USH2A: variants seen among roughly 807,000 people sequenced by gnomAD.
The protein encoded by USH2A is Usher syndrome 2A (autosomal recessive, mild).
USH2A carries 443 observed loss-of-function variants against 538.9 expected under a neutral mutation model. The ratio of observed to expected loss-of-function variants is 0.82; its 90% CI spans 0.76 to 0.89. The LOEUF (loss-of-function observed/expected upper bound fraction) is 0.89. Ranked by LOEUF, USH2A falls within the 40% of genes least tolerant of loss-of-function variation. USH2A has a pLI of 0.00. For synonymous variants in USH2A, 2,413 were observed against 2,273.5 expected (o/e 1.06, Z -1.75); for missense variants, 6,633 against 6,324.8 (o/e 1.05, Z -1.65).
At chr1:215,724,220 AACACACACACAC>A (rs3049512) in intron 61 of USH2A, among the ~76,000 whole-genome samples, 3 of 147,830 alleles carry the variant, frequency 2.0e-5, no homozygotes, top group Non-Finnish European at 4.5e-5. Flanking sequence ...TAGAATGTGA[AACACACACACAC>A]ACACACACAC....
At chr1:216,217,614 G>A in intron 14 of USH2A, 64 bp from the exon 15 acceptor site, 10 of 1,580,366 alleles carry the variant, frequency 6.3e-6, no homozygotes, top group Non-Finnish European at 8.6e-6. Context: ...CATAGTATAA[G>A]TTACACCTAC....
rs938451491 is a variant in USH2A, at chr1:215,683,941, G to A, written c.12067-3565C>T. ...TTGTCTTTGTTCATTCTATGTCCAC[G>A]TCCATATTGTACGTAATTCTACAAG... On this transcript the variant is annotated intron_variant, in intron 61 of 71. Coordinates refer to ENST00000307340, the MANE Select transcript of USH2A (RefSeq NM_206933.4). 4.0e-5 allele frequency among the ~76,000 whole-genome samples: 6 copies of A among 148,894 alleles called. No homozygotes were observed. In the Admixed American group the frequency reaches 4.1e-4, roughly 10 times the overall value.
In USH2A at chr1:215,730,594, T is replaced by G. The variant is rs186468310; in HGVS notation, c.11712-2210A>C. Reference sequence around the variant, plus strand: ...ATCAGATTAACCAGCTCCATCAAAATGTAAAGGGTTATTAAGACAAAGTGA... The same window carrying G: ...ATCAGATTAACCAGCTCCATCAAAAGGTAAAGGGTTATTAAGACAAAGTGA... On this transcript the variant is annotated intron_variant, in intron 60 of 71. Coordinates refer to ENST00000307340, the MANE Select transcript of USH2A (RefSeq NM_206933.4). 3.6e-3 allele frequency among the ~76,000 whole-genome samples: 555 copies of G among 152,262 alleles called. 3 individuals carry two copies. Among genetic ancestry groups the G allele is most frequent in the African/African-American group, 0.013 (531 of 41,552 alleles).
intron 40 of USH2A, among the ~76,000 whole-genome samples, chr1:215,898,437 C>T (rs969183117): frequency 3.3e-5 from 5 of 152,200 alleles, no homozygotes; most frequent in African/African-American, 7.2e-5. Flanking sequence ...TGGTATTTTA[C>T]AATATTTTGG....
intron 35 of USH2A, among the ~76,000 whole-genome samples, chr1:215,980,116 G>A (rs1314928072): frequency 6.6e-6 from 1 of 152,128 alleles, no homozygotes; most frequent in African/African-American, 2.4e-5. Context: ...TGTTGTGCAG[G>A]GGAGCATGCC....
chr1:215,705,536 G>GA (rs1450285287), intron 61 of USH2A, among the ~76,000 whole-genome samples: 2 of 152,136 alleles, frequency 1.3e-5, no homozygotes, highest in Non-Finnish European at 2.9e-5. Flanking sequence ...GGAGAAATAT[G>GA]AAAAAATGTG....
At chr1:216,274,565 T>C (rs147722386) in intron 11 of USH2A, among the ~76,000 whole-genome samples, 19 of 152,236 alleles carry the variant, frequency 1.2e-4, no homozygotes, top group African/African-American at 4.6e-4. Flanking sequence ...GCTACCTTCG[T>C]AAGGAACTCA....
intron 13 of USH2A, among the ~76,000 whole-genome samples, chr1:216,244,925 G>T (rs2036007254): frequency 6.6e-6 from 1 of 152,040 alleles, no homozygotes; most frequent in Non-Finnish European, 1.5e-5. Context: ...TACTCAAAAG[G>T]ATATAACATT....
chr1:216,134,651 T>C (rs1472126164), intron 21 of USH2A, among the ~76,000 whole-genome samples: 1 of 152,138 alleles, frequency 6.6e-6, no homozygotes, highest in African/African-American at 2.4e-5. Flanking sequence ...GGACAAACTT[T>C]TCATATTGCA....
At chr1:216,290,723 G>A (rs1489222464) in intron 10 of USH2A, among the ~76,000 whole-genome samples, 3 of 152,152 alleles carry the variant, frequency 2.0e-5, no homozygotes, top group Non-Finnish European at 2.9e-5. Context: ...TTTCTCCTAT[G>A]TCTCTTAGAA....
At chr1:216,347,307 T>C (rs1347139034) in intron 4 of USH2A, among the ~76,000 whole-genome samples, 1 of 152,088 alleles carries the variant, frequency 6.6e-6, no homozygotes, top group East Asian at 1.9e-4. Flanking sequence ...TGAGTAAAGG[T>C]TTTTCCCCTT....
intron 11 of USH2A, among the ~76,000 whole-genome samples, chr1:216,252,772 T>C (rs2036187626): frequency 6.6e-6 from 1 of 152,194 alleles, no homozygotes; most frequent in Non-Finnish European, 1.5e-5. Flanking sequence ...TCAGATCTAG[T>C]CCAAAGGATA....
At position 215,844,430 on chromosome 1, in the gene USH2A, G is replaced by A; in HGVS notation, c.9122C>T (p.Thr3041Ile). ...AACACCATTTGGGTTTGAAGGAGATGTCCAGATGACACGTACAGCTGTACT... is the reference window on the plus strand; with the variant it reads ...AACACCATTTGGGTTTGAAGGAGATATCCAGATGACACGTACAGCTGTACT... ...INSTAVRVIW[T>I]SPSNPNGVVT... The change falls in exon 46 of 72, where the codon ACA becomes ATA. Residue 3041 changes from threonine to isoleucine, a missense_variant. By Grantham distance (89) the Thr-to-Ile change is moderately conservative (BLOSUM62 -1). Coordinates refer to ENST00000307340, the MANE Select transcript of USH2A (RefSeq NM_206933.4). 6.2e-7 allele frequency: 1 copy of A among 1,613,338 alleles called. No individual in the cohort carries two copies. The highest frequency in any genetic ancestry group is 1.1e-5 in the South Asian group (1 of 91,086).
chr1:215,790,396 A>T, intron 50 of USH2A, 114 bp from the exon 51 acceptor site: 1 of 1,111,312 alleles, frequency 9.0e-7, no homozygotes, highest in Non-Finnish European at 1.3e-6. Flanking sequence ...GAAATGGTGC[A>T]ATACCTAAGG....
At chr1:215,787,060 T>C (rs1025466263) in intron 51 of USH2A, among the ~76,000 whole-genome samples, 186 bp from the exon 52 acceptor site, 1 of 152,196 alleles carries the variant, frequency 6.6e-6, no homozygotes, top group African/African-American at 2.4e-5. Flanking sequence ...GACTTTGAAA[T>C]GTCACAAATT....
intron 26 of USH2A, among the ~76,000 whole-genome samples, chr1:216,081,337 T>C (rs752156460): frequency 1.8e-4 from 28 of 152,118 alleles, no homozygotes; most frequent in Non-Finnish European, 4.0e-4. Context: ...AGGTTATATT[T>C]TGAGATTCAA....
intron 41 of USH2A, among the ~76,000 whole-genome samples, chr1:215,883,928 C>A (rs1664984285): frequency 6.6e-6 from 1 of 152,192 alleles, no homozygotes; most frequent in South Asian, 2.1e-4. Flanking sequence ...TTGAAGCCAT[C>A]ATTCTCAGTA....
chr1:216,108,872 T>TG (rs1411279542), intron 21 of USH2A, among the ~76,000 whole-genome samples: 8 of 152,018 alleles, frequency 5.3e-5, no homozygotes, highest in Non-Finnish European at 1.0e-4. Flanking sequence ...TTACCTTTAA[T>TG]TTTTTTTAAA....
intron 49 of USH2A, among the ~76,000 whole-genome samples, chr1:215,810,645 T>C (rs1469851186): frequency 1.3e-5 from 2 of 152,158 alleles, no homozygotes; most frequent in East Asian, 1.9e-4. Context: ...CTGATCACTG[T>C]AATTATAATT....
Sources: allele counts gnomAD v4.1 joint callset (sites outside exome capture counted in the v4.1 genomes callset), GRCh38; gene constraint gnomAD v4.1.1; transcripts MANE v1.5; gene names NCBI Gene and HGNC (gene_info 2026-07-23, HGNC 2026-07-21).